The following MAST4 variants were observed in gnomAD, a reference collection of about 807,000 sequenced individuals.
MAST4 encodes microtubule-associated serine/threonine-protein kinase 4.
A neutral mutation model predicts 162.7 loss-of-function variants in MAST4; 89 were observed. The observed-to-expected ratio is 0.55, with a 90% CI of 0.46 to 0.65. The LOEUF is 0.65. MAST4 is among the 30% of genes least tolerant of loss of function. MAST4 has a pLI of 0.00. For missense variants in MAST4, 3,153 were observed against 3,374.0 expected, an observed-to-expected ratio of 0.93 and a Z score of 1.62; for synonymous variants, 1,479 against 1,361.1, an observed-to-expected ratio of 1.09 and a Z score of -1.91.
intron 2 of MAST4, among the ~76,000 whole-genome samples, chr5:66,780,974 C>T (rs1322365772): frequency 3.3e-5 from 5 of 152,214 alleles, no homozygotes; most frequent in African/African-American, 1.2e-4. Context: ...CAATATCTCA[C>T]CTTTTGTGAC....
chr5:67,085,283 C>T (rs978785937), intron 5 of MAST4, among the ~76,000 whole-genome samples: 10 of 152,172 alleles, frequency 6.6e-5, no homozygotes, highest in Non-Finnish European at 1.2e-4. Context: ...CATAACAGCT[C>T]TTCAATCACC....
intron 2 of MAST4, among the ~76,000 whole-genome samples, chr5:66,779,799 G>T (rs258261): frequency 6.6e-6 from 1 of 152,090 alleles, no homozygotes; most frequent in Non-Finnish European, 1.5e-5. Flanking sequence ...GTCATGAATT[G>T]TGCCCAGATT....
intron 1 of MAST4, among the ~76,000 whole-genome samples, chr5:66,698,572 A>C (rs994610033): frequency 1.3e-5 from 2 of 152,104 alleles, no homozygotes; most frequent in Admixed American, 1.3e-4. Context: ...TGATTCAGCT[A>C]TCCAGCCCTC....
rs1210131163 is a variant in MAST4 at position 67,163,714 on chromosome 5, G to T, written c.4535G>T (p.Arg1512Leu). 1 of 1,608,606 alleles carries T rather than the reference G, an allele frequency of 6.2e-7. No homozygotes were observed. The highest frequency in any genetic ancestry group is 8.5e-7 in the Non-Finnish European group (1 of 1,177,994). ...CCAGTGGAGCAAGGCTGCCTGAAACGCCCAGTCTCCCGGAAGGTGGGCCGC... is the reference window on the plus strand; with the variant it reads ...CCAGTGGAGCAAGGCTGCCTGAAACTCCCAGTCTCCCGGAAGGTGGGCCGC... ...ARPVEQGCLK[R>L]PVSRKVGRQE... Residue 1512 changes from arginine to leucine, a missense_variant, in exon 29 of 29, where the codon CGC (arginine) becomes CTC (leucine). Physicochemically the swap from Arg to Leu is moderately radical, Grantham distance 102 (BLOSUM62 -2). This residue lies in a region of MAST4 where 1,644 missense variants were observed against 1,495.0 expected (regional missense o/e 1.10). Coordinates refer to ENST00000403625, the MANE Select transcript of MAST4 (RefSeq NM_001164664.2). This position sits in a 1 kb window ranked among gnomAD's most constrained non-coding sequence, Gnocchi z 7.0.
In MAST4 at chr5:67,166,044, A is replaced by C. The variant is rs1561212571; in HGVS notation, c.6865A>C (p.Thr2289Pro). 6.2e-7 allele frequency: 1 copy of C among 1,613,636 alleles called. No individual in the cohort carries two copies. The highest frequency in any genetic ancestry group is 2.2e-5 in the East Asian group (1 of 44,848). Reference protein sequence around the residue: ...RAPLDAKPQPTSGGRPLEVLE... With the variant: ...RAPLDAKPQPPSGGRPLEVLE... ...TCCTCTAGACGCCAAGCCACAACCC[A>C]CCAGTGGTGGGCGGCCCCTGGAGGT... The change falls in exon 29 of 29, where the codon ACC becomes CCC. Residue 2289 changes from threonine (T) to proline (P), a missense_variant. Physicochemically the swap from Thr to Pro is conservative, Grantham distance 38. Coordinates refer to ENST00000403625, the MANE Select transcript of MAST4 (RefSeq NM_001164664.2).
intron 5 of MAST4, among the ~76,000 whole-genome samples, chr5:67,085,582 T>G (rs1280616396): frequency 6.6e-6 from 1 of 152,170 alleles, no homozygotes; most frequent in Non-Finnish European, 1.5e-5. Flanking sequence ...TAAGAAAGCC[T>G]TGATTCATTG....
At position 67,165,769 on chromosome 5, in the gene MAST4, G is replaced by GCCCTGA; in HGVS notation, c.6594_6599dup (p.Asp2199_Pro2200dup). ...AGCAGCAGCCACAAGCCCCGGCCTG[G>GCCCTGA]CCCTGACCCGGGCCCTCCAAAGACT... is the stretch of plus-strand genomic sequence containing the variant. On this transcript the variant is annotated inframe_insertion, in exon 29 of 29. Transcript: ENST00000403625. 6.2e-7 allele frequency: 1 copy of GCCCTGA among 1,601,028 alleles called. No individual in the cohort carries two copies. The highest frequency in any genetic ancestry group is 1.3e-5 in the African/African-American group (1 of 74,658).
At chr5:66,615,553 A>G (rs150689453) in intron 1 of MAST4, among the ~76,000 whole-genome samples, 297 of 152,198 alleles carry the variant, frequency 2.0e-3, no homozygotes, top group African/African-American at 6.8e-3. Context: ...GGTGGCTCAC[A>G]CTTGTAATCC....
In MAST4 at chr5:66,623,750, A is replaced by G. The variant is rs116374877; in HGVS notation, c.363+26732A>G. Among the ~76,000 whole-genome samples, 591 of 152,338 alleles carry G rather than the reference A, an allele frequency of 3.9e-3. 6 individuals are homozygous for G. Among genetic ancestry groups the G allele is most frequent in the African/African-American group, 0.013 (554 of 41,582 alleles). ...TGTCATCACTTCTCTTCGACATTGTACTGGAAGTCCTAGGCAGAGAAAACA... is the reference window on the plus strand; with the variant it reads ...TGTCATCACTTCTCTTCGACATTGTGCTGGAAGTCCTAGGCAGAGAAAACA... On this transcript the variant is annotated intron_variant, in intron 1 of 28. Transcript: ENST00000403625.
intron 4 of MAST4, among the ~76,000 whole-genome samples, chr5:66,971,292 A>T (rs1474919443): frequency 6.6e-6 from 1 of 152,170 alleles, no homozygotes; most frequent in Non-Finnish European, 1.5e-5. Context: ...TGATGCAAAA[A>T]AAGGTTAAAT....
intron 3 of MAST4, among the ~76,000 whole-genome samples, chr5:66,844,999 T>C (rs893155849): frequency 7.0e-6 from 1 of 143,388 alleles, no homozygotes; most frequent in African/African-American, 2.6e-5. Flanking sequence ...GCCATGGGAG[T>C]GGAGGAGATT....
At chr5:67,073,561 A>G (rs1189598326) in intron 5 of MAST4, among the ~76,000 whole-genome samples, 1 of 152,190 alleles carries the variant, frequency 6.6e-6, no homozygotes, top group African/African-American at 2.4e-5. Flanking sequence ...TAATGACCCC[A>G]AGGTACATCT....
intron 4 of MAST4, among the ~76,000 whole-genome samples, chr5:67,001,150 C>T (rs549080749): frequency 2.0e-5 from 3 of 152,256 alleles, no homozygotes; most frequent in Non-Finnish European, 2.9e-5. Context: ...TTACTGCAGT[C>T]GCAACTATAG....
At chr5:66,699,688 C>G (rs567567294) in intron 1 of MAST4, among the ~76,000 whole-genome samples, 1 of 151,678 alleles carries the variant, frequency 6.6e-6, no homozygotes, top group East Asian at 1.9e-4. Context: ...CGTGTTCTCA[C>G]TCATAAGTGG....
intron 4 of MAST4, among the ~76,000 whole-genome samples, chr5:66,922,071 A>T (rs1764575980): frequency 6.6e-6 from 1 of 152,172 alleles, no homozygotes; most frequent in Non-Finnish European, 1.5e-5. Flanking sequence ...CAACAGATTC[A>T]GTTCCTATGC....
In MAST4 at chr5:67,153,574, A is replaced by C; in HGVS notation, c.3642A>C (p.Leu1214=). The C allele has an allele frequency of 1.9e-6, 3 of 1,581,864 alleles. No homozygotes were observed. Among genetic ancestry groups the C allele is most frequent in the South Asian group, 2.3e-5 (2 of 85,720 alleles). The change falls in exon 26 of 29, where the codon CTA becomes CTC. Residue 1214 remains leucine, a synonymous_variant. Coordinates refer to ENST00000403625, the MANE Select transcript of MAST4 (RefSeq NM_001164664.2). The part of the protein sequence containing the change: ...GLVHTEVIEL[L]LKSGNKVSIT... ...TCCACACAGAAGTTATAGAACTCCT[A>C]CTGAAGGTATTGTATGTTTTATGTC... is the stretch of plus-strand genomic sequence containing the variant.
intron 1 of MAST4, among the ~76,000 whole-genome samples, chr5:66,665,757 C>T (rs1172711609): frequency 1.3e-5 from 2 of 152,124 alleles, no homozygotes; most frequent in Admixed American, 1.3e-4. Context: ...ATTATGTAAT[C>T]CTTCTGAGTC....
At chr5:66,877,193 G>A (rs760318673) in intron 3 of MAST4, among the ~76,000 whole-genome samples, 6 of 152,180 alleles carry the variant, frequency 3.9e-5, no homozygotes, top group Non-Finnish European at 8.8e-5. Flanking sequence ...AAATTGGTAA[G>A]CAAAGAAATA....
At chr5:67,114,257 A>T in intron 12 of MAST4, 38 bp downstream of exon 12, 2 of 1,588,824 alleles carry the variant, frequency 1.3e-6, no homozygotes, top group South Asian at 2.3e-5. Flanking sequence ...GACTTTGCTT[A>T]TGCACTGTCG....
Sources: gnomAD v4.1 joint callset for allele counts (sites outside exome capture counted in the v4.1 genomes callset) on GRCh38, gnomAD v4.1.1 for gene constraint, gnomAD v4.1.1 regional missense constraint, Gnocchi (gnomAD v3.1) non-coding constraint, MANE v1.5 for transcripts, NCBI Gene and HGNC (gene_info 2026-07-23, HGNC 2026-07-21) for gene names.